NT5DC1: variants seen among roughly 807,000 people sequenced by gnomAD.
NT5DC1 encodes the protein 5'-nucleotidase domain-containing protein 1.
Under a neutral mutation model 59.4 loss-of-function variants are expected in NT5DC1, and 42 were observed. That is an observed-to-expected ratio of 0.71 (90% CI 0.55 to 0.92). NT5DC1 has a LOEUF of 0.92. NT5DC1 is among the 40% of genes least tolerant of loss of function. The pLI, the probability that NT5DC1 is intolerant of heterozygous loss-of-function variation, is 0.00. For synonymous variants in NT5DC1, 172 were observed against 188.1 expected (o/e 0.91, Z 0.70); for missense variants, 501 against 537.1 (o/e 0.93, Z 0.66).
At chr6:116,117,753 A>G in intron 5 of NT5DC1, 108 bp from the exon 6 acceptor site, 1 of 637,320 alleles carries the variant, frequency 1.6e-6, no homozygotes, top group South Asian at 2.0e-5. Flanking sequence ...TTGTAAGTCT[A>G]ACCATCTTAA....
At chr6:116,120,599 A>T in intron 6 of NT5DC1, 1 of 1,582,486 alleles carries the variant, frequency 6.3e-7, no homozygotes, top group Admixed American at 1.9e-5. Flanking sequence ...GGGCCCTGGA[A>T]GACCAGGCTC....
Position 116,246,130 on chromosome 6 carries a change from A to G in NT5DC1, c.*2106A>G, listed in dbSNP as rs1474669371. The G allele has an allele frequency of 6.6e-6, 1 of 152,178 alleles. No homozygotes were observed. Among genetic ancestry groups the G allele is most frequent in the Non-Finnish European group, 1.5e-5 (1 of 68,004 alleles). 9.4% of individuals were successfully genotyped at this position (152,178 alleles called of 1,614,324 possible). A position where few individuals can be genotyped will look rare whatever the true frequency, so the allele number is the denominator to read the frequency against. On this transcript the variant is annotated 3_prime_UTR_variant, in exon 12 of 12. Coordinates refer to ENST00000319550, the MANE Select transcript of NT5DC1 (RefSeq NM_152729.3). The stretch of plus-strand genomic sequence containing the variant: ...ATAAAAATTAAAAAGAAAATATTAA[A>G]GAAGTTATATGAAGCAAAAAAATTG...
At position 116,167,740 on chromosome 6, in the gene NT5DC1, A is replaced by G. The variant is rs144207121; in HGVS notation, c.529+49795A>G. ...AGCTTTCCTAGAAAAGTCAATGCCC[A>G]TGACCGTTGTTGGATAATTACGTTG... On this transcript the variant is annotated intron_variant, in intron 6 of 11. Transcript: ENST00000319550. Among the ~76,000 whole-genome samples, 230 of 152,290 alleles carry G rather than the reference A, an allele frequency of 1.5e-3. 1 individual carries two copies. Among genetic ancestry groups the G allele is most frequent in the Middle Eastern group, 0.014 (4 of 294 alleles).
At chr6:116,149,120 A>C (rs1425524931) in intron 6 of NT5DC1, among the ~76,000 whole-genome samples, 1 of 152,186 alleles carries the variant, frequency 6.6e-6, no homozygotes. Context: ...ACAGTAAGTC[A>C]ACAAAGTTCT....
At chr6:116,223,265 T>C (rs1781845713) in intron 8 of NT5DC1, 134 bp downstream of exon 8, 3 of 527,340 alleles carry the variant, frequency 5.7e-6, no homozygotes, top group African/African-American at 2.0e-5. Context: ...CCTATGTTTG[T>C]ATTAAATTTT....
At chr6:116,192,911 C>T (rs2114495200) in intron 6 of NT5DC1, among the ~76,000 whole-genome samples, 1 of 152,174 alleles carries the variant, frequency 6.6e-6, no homozygotes, top group Non-Finnish European at 1.5e-5. Flanking sequence ...CCCCAGTTGT[C>T]CTGACTGGTC....
intron 6 of NT5DC1, among the ~76,000 whole-genome samples, chr6:116,160,855 G>T (rs1196072923): frequency 6.6e-6 from 1 of 151,988 alleles, no homozygotes; most frequent in Non-Finnish European, 1.5e-5. Context: ...ATACCCAAAG[G>T]ACTATAAATC....
chr6:116,127,609 A>G (rs996081875), intron 6 of NT5DC1, among the ~76,000 whole-genome samples: 13 of 152,176 alleles, frequency 8.5e-5, no homozygotes, highest in Non-Finnish European at 1.8e-4. Context: ...CTTTTGGCTT[A>G]TGGCCCATTT....
At chr6:116,156,043 G>A (rs1582840512) in intron 6 of NT5DC1, among the ~76,000 whole-genome samples, 2 of 152,112 alleles carry the variant, frequency 1.3e-5, no homozygotes, top group African/African-American at 4.8e-5. Context: ...AAAACATTAT[G>A]ATAGTCACAA....
intron 6 of NT5DC1, among the ~76,000 whole-genome samples, chr6:116,150,718 A>G (rs373814586): frequency 4.6e-5 from 7 of 152,232 alleles, no homozygotes; most frequent in African/African-American, 1.7e-4. Context: ...GCTAGTTTTT[A>G]TTTGATGTTG....
intron 6 of NT5DC1, chr6:116,120,569 G>A: frequency 6.2e-7 from 1 of 1,606,314 alleles, no homozygotes; most frequent in African/African-American, 1.3e-5. Flanking sequence ...TGCTTGACCT[G>A]GTGGGCCTGG....
intron 11 of NT5DC1, among the ~76,000 whole-genome samples, chr6:116,242,298 G>A (rs1468405219): frequency 5.3e-5 from 8 of 151,866 alleles, no homozygotes; most frequent in Admixed American, 1.3e-4. Flanking sequence ...CGGAGATTGC[G>A]CCACTGCACT....
At chr6:116,180,526 T>G (rs772851431) in intron 6 of NT5DC1, among the ~76,000 whole-genome samples, 15 of 152,122 alleles carry the variant, frequency 9.9e-5, no homozygotes, top group Non-Finnish European at 2.1e-4. Flanking sequence ...TGATAACACC[T>G]GAACTTATTG....
At chr6:116,226,019 A>G (rs1781902374) in intron 8 of NT5DC1, among the ~76,000 whole-genome samples, 1 of 152,182 alleles carries the variant, frequency 6.6e-6, no homozygotes, top group African/African-American at 2.4e-5. Context: ...TCTAGCCCCA[A>G]ATCTCAGTAG....
At chr6:116,243,702 T>G (rs1479953152) in intron 11 of NT5DC1, among the ~76,000 whole-genome samples, 1 of 152,212 alleles carries the variant, frequency 6.6e-6, no homozygotes, top group Non-Finnish European at 1.5e-5. Flanking sequence ...TTTGTCTTTA[T>G]TAGCCATATG....
intron 6 of NT5DC1, among the ~76,000 whole-genome samples, chr6:116,179,412 G>C (rs1780824414): frequency 6.6e-6 from 1 of 151,766 alleles, no homozygotes; most frequent in African/African-American, 2.4e-5. Flanking sequence ...CTAATATCTA[G>C]AATCTACAAG....
chr6:116,203,938 A>C (rs1236306168), intron 6 of NT5DC1, among the ~76,000 whole-genome samples: 1 of 151,894 alleles, frequency 6.6e-6, no homozygotes, highest in Non-Finnish European at 1.5e-5. Flanking sequence ...TTTAGAGAAC[A>C]CCAGTAGTTT....
At chr6:116,125,240 G>GT in intron 6 of NT5DC1, 1 of 1,391,494 alleles carries the variant, frequency 7.2e-7, no homozygotes, top group Non-Finnish European at 9.9e-7. Context: ...AAGTTGGAAA[G>GT]TAACACCAAA....
chr6:116,136,581 A>G (rs1019063625), intron 6 of NT5DC1, among the ~76,000 whole-genome samples: 6 of 152,188 alleles, frequency 3.9e-5, no homozygotes, highest in Non-Finnish European at 7.3e-5. Context: ...TCCACACCAC[A>G]TAACACTTAC....
Sources: gnomAD v4.1 joint callset for allele counts (sites outside exome capture counted in the v4.1 genomes callset) on GRCh38, gnomAD v4.1.1 for gene constraint, MANE v1.5 for transcripts, NCBI Gene and HGNC (gene_info 2026-07-23, HGNC 2026-07-21) for gene names.